PLEKHG1: variants seen among roughly 807,000 people sequenced by gnomAD.
PLEKHG1 encodes pleckstrin homology and RhoGEF domain containing G1.
A neutral mutation model predicts 100.8 loss-of-function variants in PLEKHG1; 44 were observed. That is an observed-to-expected ratio of 0.44 (90% CI 0.34 to 0.56). The LOEUF (loss-of-function observed/expected upper bound fraction) is 0.56, where lower values mean the gene tolerates loss of function less well. Ranked by LOEUF, PLEKHG1 falls within the 20% of genes least tolerant of loss-of-function variation. The probability of loss-of-function intolerance (pLI) is 0.01; values close to 1 mark genes in which losing one functional copy is unlikely to be tolerated. For synonymous variants in PLEKHG1, 640 were observed against 662.5 expected, an observed-to-expected ratio of 0.97 and a Z score of 0.52; for missense variants, 1,545 against 1,720.9, an observed-to-expected ratio of 0.90 and a Z score of 1.81.
chr6:150,726,315 G>A (rs984526466), intron 1 of PLEKHG1, among the ~76,000 whole-genome samples: 47 of 152,138 alleles, frequency 3.1e-4, no homozygotes, highest in African/African-American at 1.1e-3. Context: ...GAAAACTTTT[G>A]GAGGTGATGG....
intron 10 of PLEKHG1, among the ~76,000 whole-genome samples, chr6:150,816,325 A>ATTTTTTT (rs1562546175): frequency 2.6e-4 from 13 of 49,702 alleles, no homozygotes; most frequent in Non-Finnish European, 4.2e-4. Context: ...TCTCAAACAT[A>ATTTTTTT]CTTTTTTTTT....
At chr6:150,691,154 C>T (rs1229220886) in intron 3 of PLEKHG1, among the ~76,000 whole-genome samples, 1 of 152,206 alleles carries the variant, frequency 6.6e-6, no homozygotes, top group Non-Finnish European at 1.5e-5. Context: ...ATTTTCAAGA[C>T]CTATCCATAT....
At chr6:150,800,649 A>G in intron 5 of PLEKHG1, 70 bp from the exon 7 acceptor site, 2 of 1,432,974 alleles carry the variant, frequency 1.4e-6, no homozygotes, top group Non-Finnish European at 2.0e-6. Flanking sequence ...TACACTTGCA[A>G]TAGCATTTAA....
intron 3 of PLEKHG1, among the ~76,000 whole-genome samples, chr6:150,666,356 A>G (rs1270311635): frequency 6.6e-6 from 1 of 152,162 alleles, no homozygotes; most frequent in African/African-American, 2.4e-5. Flanking sequence ...ACAGGATAAC[A>G]CTGTCTCCCA....
chr6:150,658,512 A>G (rs1779057709), intron 3 of PLEKHG1, among the ~76,000 whole-genome samples: 1 of 152,232 alleles, frequency 6.6e-6, no homozygotes, highest in Non-Finnish European at 1.5e-5. Flanking sequence ...AATGGAATAT[A>G]GTAACCAGAC....
rs995533487 is a variant in PLEKHG1 at position 150,652,491 on chromosome 6, G to A, written c.-99+1705G>A. Among the ~76,000 whole-genome samples, 4 of 152,084 alleles carry A rather than the reference G, an allele frequency of 2.6e-5. No homozygotes were observed. The East Asian group carries it at 5.8e-4, about 22-fold the overall frequency. On this transcript the variant is annotated intron_variant, in intron 3 of 3. Coordinates refer to the PLEKHG1 transcript ENST00000367326. ...TAATCCCAGCACTTTGGGAGGCCGA[G>A]GGGGGTGGATCACGAGGTCAGGAGT...
At chr6:150,804,153 T>C (rs1474227577) in intron 6 of PLEKHG1, among the ~76,000 whole-genome samples, 3 of 31,794 alleles carry the variant, frequency 9.4e-5, no homozygotes, top group African/African-American at 2.1e-4. Flanking sequence ...TGTGTAAATA[T>C]TTTATATATA....
chr6:150,652,736 GA>G (rs1468121499), intron 3 of PLEKHG1, among the ~76,000 whole-genome samples: 2 of 145,906 alleles, frequency 1.4e-5, no homozygotes, highest in Non-Finnish European at 3.0e-5. Context: ...AAAAAAAAAA[GA>G]AAAAAGGAAA....
At chr6:150,747,518 T>C (rs117431575) in intron 2 of PLEKHG1, among the ~76,000 whole-genome samples, 3 of 152,354 alleles carry the variant, frequency 2.0e-5, no homozygotes, top group East Asian at 3.9e-4. Flanking sequence ...TTAAAGGGAA[T>C]GGCAATTGTT....
chr6:150,757,043 C>T (rs1006804437), intron 2 of PLEKHG1, among the ~76,000 whole-genome samples: 3 of 152,196 alleles, frequency 2.0e-5, no homozygotes, highest in Admixed American at 1.3e-4. Flanking sequence ...GAGTCTCGCT[C>T]TGTCACCCAA....
chr6:150,662,734 G>A (rs942287307), intron 3 of PLEKHG1: 1 of 152,214 alleles, frequency 6.6e-6, no homozygotes, highest in Admixed American at 6.5e-5. Flanking sequence ...TGTTCTGCCT[G>A]TGCTTGCAGG....
At chr6:150,741,288 CA>C (rs1306575890) in intron 2 of PLEKHG1, among the ~76,000 whole-genome samples, 1 of 152,146 alleles carries the variant, frequency 6.6e-6, no homozygotes, top group African/African-American at 2.4e-5. Flanking sequence ...GTCGGCTGAA[CA>C]CAAGAGTTCA....
At chr6:150,818,939 C>A (rs76678181) in intron 11 of PLEKHG1, among the ~76,000 whole-genome samples, 3,237 of 152,170 alleles carry the variant, frequency 0.021, 41 homozygotes, top group South Asian at 0.033. Flanking sequence ...CTTGTTAACT[C>A]CCCAGGGGGA....
At chr6:150,703,815 G>A (rs1300528894) in intron 3 of PLEKHG1, among the ~76,000 whole-genome samples, 1 of 152,124 alleles carries the variant, frequency 6.6e-6, no homozygotes, top group Non-Finnish European at 1.5e-5. Context: ...CAGTGAATAT[G>A]CTGTTTTAAA....
At chr6:150,768,738 G>A (rs751900390) in exon 3 of PLEKHG1, 2 of 1,500,076 alleles carry the variant, frequency 1.3e-6, no homozygotes, top group Admixed American at 1.7e-5. Flanking sequence ...CACTTCAATA[G>A]GTAAGTTAAT....
chr6:150,825,344 G>A (rs813384), intron 14 of PLEKHG1, among the ~76,000 whole-genome samples: 13,222 of 152,110 alleles, frequency 0.087, 776 homozygotes, highest in Non-Finnish European at 0.13. Flanking sequence ...GGGAGGCCAA[G>A]GTTGGCAGAT....
chr6:150,708,181 C>T lies in PLEKHG1; in HGVS notation c.-98-25403C>T, dbSNP rs112558239. ...ATTACATCTCTTGGTTTTGGTTTTT[C>T]GGCCACCCAGTCTCTTTTTCAGGTC... On this transcript the variant is annotated intron_variant, in intron 3 of 3. Transcript: ENST00000367326. 9.7e-4 allele frequency among the ~76,000 whole-genome samples: 148 copies of T among 152,262 alleles called. 2 individuals are homozygous for T. Among genetic ancestry groups the T allele is most frequent in the African/African-American group, 3.3e-3 (138 of 41,554 alleles).
intron 1 of PLEKHG1, among the ~76,000 whole-genome samples, chr6:150,612,653 C>T (rs916773737): frequency 2.0e-5 from 3 of 152,106 alleles, no homozygotes; most frequent in Admixed American, 6.6e-5. Flanking sequence ...TTAATGAAGA[C>T]TTCTTCTAAC....
intron 3 of PLEKHG1, among the ~76,000 whole-genome samples, chr6:150,679,055 A>T (rs1362563537): frequency 6.6e-6 from 1 of 152,192 alleles, no homozygotes; most frequent in Non-Finnish European, 1.5e-5. Context: ...ACAAAATCAA[A>T]ATTTTAAACT....
Sources: gnomAD v4.1 joint callset for allele counts (sites outside exome capture counted in the v4.1 genomes callset) on GRCh38, gnomAD v4.1.1 for gene constraint, MANE v1.5 for transcripts, NCBI Gene and HGNC (gene_info 2026-07-23, HGNC 2026-07-21) for gene names.